Variants in LARS2 observed in about 807,000 individuals in gnomAD.
LARS2 encodes leucine--tRNA ligase, mitochondrial.
A neutral mutation model predicts 116.6 loss-of-function variants in LARS2; 81 were observed. That is an observed-to-expected ratio of 0.69 (90% confidence interval 0.58 to 0.84). The LOEUF (loss-of-function observed/expected upper bound fraction) is 0.84. Ranked by LOEUF, LARS2 falls within the 40% of genes least tolerant of loss-of-function variation. The pLI is 0.00. For missense variants in LARS2, 968 were observed against 1,114.5 expected, an observed-to-expected ratio of 0.87 and a Z score of 1.87; for synonymous variants, 396 against 407.2, an observed-to-expected ratio of 0.97 and a Z score of 0.33.
chr3:45,548,607 T>C lies in LARS2; in HGVS notation c.*1077T>C, dbSNP rs575909371. 3 of 152,378 alleles carry C rather than the reference T, an allele frequency of 2.0e-5. No individual in the cohort carries two copies. The South Asian group carries it at 6.2e-4, about 32-fold the overall frequency. 9.4% of individuals were successfully genotyped at this position (152,378 alleles called of 1,614,324 possible). A position where few individuals can be genotyped will look rare whatever the true frequency, so the allele number is the denominator to read the frequency against. On this transcript the variant is annotated 3_prime_UTR_variant, in exon 22 of 22. Transcript: ENST00000645846. ...TCATACCATTGGCACATTAGGCTAA[T>C]CCTGGTTTTATGTGAAGTCAGCAAT...
At chr3:45,461,117 A>G (rs1019590921) in intron 8 of LARS2, among the ~76,000 whole-genome samples, 28 of 152,334 alleles carry the variant, frequency 1.8e-4, no homozygotes, top group Middle Eastern at 6.8e-3. Context: ...AAAGCCAAAG[A>G]CATCTATTAT....
intron 15 of LARS2, among the ~76,000 whole-genome samples, chr3:45,503,977 A>T (rs527867236): frequency 1.3e-5 from 2 of 152,010 alleles, no homozygotes; most frequent in African/African-American, 2.4e-5. Flanking sequence ...TTATTGATAT[A>T]GTCATTTTAA....
intron 20 of LARS2, among the ~76,000 whole-genome samples, chr3:45,527,546 C>G (rs949421204): frequency 2.6e-5 from 4 of 152,080 alleles, no homozygotes; most frequent in African/African-American, 7.2e-5. Context: ...ATGGCATGAA[C>G]CCAGGAGGTG....
chr3:45,410,537 G>A (rs1334171214), intron 4 of LARS2, among the ~76,000 whole-genome samples: 1 of 152,126 alleles, frequency 6.6e-6, no homozygotes, highest in Non-Finnish European at 1.5e-5. Context: ...TACACATCCT[G>A]AAACTCACAG....
At chr3:45,414,144 T>C (rs894003312) in intron 4 of LARS2, among the ~76,000 whole-genome samples, 3 of 152,218 alleles carry the variant, frequency 2.0e-5, no homozygotes, top group African/African-American at 7.2e-5. Context: ...AGAATGTTCA[T>C]CCTGGCCTTT....
Position 45,547,363 on chromosome 3 carries a change from G to C in LARS2, c.2545G>C (p.Ala849Pro). The change falls in exon 22 of 22, where the codon GCT (alanine) becomes CCT (proline). Residue 849 changes from alanine (A) to proline (P), a missense_variant. Transcript: ENST00000645846. ...VQMAVLINNK[A>P]CGKIPVPQQV... ...TTCTCCTTCTCAGATCAACAATAAA[G>C]CTTGTGGCAAAATTCCTGTGCCCCA... The C allele has an allele frequency of 6.2e-7, 1 of 1,609,370 alleles. No homozygotes were observed. The highest frequency in any genetic ancestry group is 1.7e-4 in the Middle Eastern group (1 of 6,028).
chr3:45,533,237 G>A (rs1049297247), intron 20 of LARS2, among the ~76,000 whole-genome samples: 36 of 126,006 alleles, frequency 2.9e-4, no homozygotes, highest in Middle Eastern at 5.4e-3. Flanking sequence ...TGCAAGCTCC[G>A]CCTCCCGGGT....
chr3:45,410,749 GTCC>G (rs1429084102), intron 4 of LARS2, among the ~76,000 whole-genome samples: 2 of 152,214 alleles, frequency 1.3e-5, no homozygotes, highest in African/African-American at 4.8e-5. Flanking sequence ...AGAGAGCCCT[GTCC>G]TCCTCCAGCG....
At chr3:45,468,297 T>A (rs1186853493) in intron 8 of LARS2, among the ~76,000 whole-genome samples, 1 of 152,192 alleles carries the variant, frequency 6.6e-6, no homozygotes, top group Non-Finnish European at 1.5e-5. Flanking sequence ...CTGGGATGGC[T>A]GTTACCATTT....
chr3:45,445,469 G>T (rs1018297985), intron 6 of LARS2, among the ~76,000 whole-genome samples: 2 of 152,198 alleles, frequency 1.3e-5, no homozygotes, highest in Non-Finnish European at 2.9e-5. Flanking sequence ...AGTTGGTGAA[G>T]ATCTTTGTGC....
chr3:45,548,547 C>G lies in LARS2; in HGVS notation c.*1017C>G, dbSNP rs1009118826. 1 of 152,250 alleles carries G rather than the reference C, an allele frequency of 6.6e-6. No homozygotes were observed. Among genetic ancestry groups the G allele is most frequent in the Non-Finnish European group, 1.5e-5 (1 of 68,064 alleles). The allele number at this position is 152,250 out of a possible 1,614,324, so 9.4% of individuals were successfully genotyped here. On this transcript the variant is annotated 3_prime_UTR_variant, in exon 22 of 22. Coordinates refer to ENST00000645846, the MANE Select transcript of LARS2 (RefSeq NM_015340.4). ...GTTGCCTCCGGTGTCCAAGCCACAG[C>G]GGTCTGGCTGTTGGGAAGATGGCCA...
intron 3 of LARS2, among the ~76,000 whole-genome samples, chr3:45,397,376 C>T (rs75623273): frequency 0.011 from 1,617 of 152,162 alleles, 27 homozygotes; most frequent in African/African-American, 0.037. Flanking sequence ...CTGTAATAAA[C>T]AGAAATCTTC....
chr3:45,534,306 A>G (rs571199376), intron 20 of LARS2, among the ~76,000 whole-genome samples: 1 of 152,202 alleles, frequency 6.6e-6, no homozygotes, highest in East Asian at 1.9e-4. Context: ...GAATGGGGAA[A>G]TGATGCCTCC....
intron 7 of LARS2, among the ~76,000 whole-genome samples, chr3:45,451,373 T>C (rs546940630): frequency 6.6e-6 from 1 of 152,288 alleles, no homozygotes; most frequent in East Asian, 1.9e-4. Flanking sequence ...TTTGAGTTTT[T>C]TTTTTATATG....
chr3:45,544,131 G>A (rs1397129639), intron 21 of LARS2, among the ~76,000 whole-genome samples: 3 of 152,190 alleles, frequency 2.0e-5, no homozygotes, highest in East Asian at 1.9e-4. Context: ...CCAGAAACAG[G>A]CTGCAAGCGC....
At chr3:45,428,607 C>T (rs1022429320) in intron 6 of LARS2, among the ~76,000 whole-genome samples, 2 of 152,142 alleles carry the variant, frequency 1.3e-5, no homozygotes, top group African/African-American at 2.4e-5. Flanking sequence ...GTGGTGCAAC[C>T]ATTATCACTC....
chr3:45,389,885 G>A (rs1215498810), intron 1 of LARS2, among the ~76,000 whole-genome samples: 1 of 152,178 alleles, frequency 6.6e-6, no homozygotes, highest in African/African-American at 2.4e-5. Context: ...CAAGAACAAG[G>A]CCTGGGAAGT....
At chr3:45,511,908 G>A (rs1051715288) in intron 15 of LARS2, among the ~76,000 whole-genome samples, 9 of 151,110 alleles carry the variant, frequency 6.0e-5, no homozygotes, top group African/African-American at 1.5e-4. Flanking sequence ...CCCAAGCAGC[G>A]GGGACTACAG....
intron 10 of LARS2, among the ~76,000 whole-genome samples, chr3:45,484,429 C>T (rs1699758046): frequency 6.7e-6 from 1 of 149,302 alleles, no homozygotes; most frequent in African/African-American, 2.5e-5. Flanking sequence ...GCACGTATGG[C>T]TTGTCTCCTT....
Sources: allele counts gnomAD v4.1 joint callset (sites outside exome capture counted in the v4.1 genomes callset), GRCh38; gene constraint gnomAD v4.1.1; transcripts MANE v1.5; gene names NCBI Gene and HGNC (gene_info 2026-07-23, HGNC 2026-07-21).